Variants in PARP8 observed in about 807,000 individuals in gnomAD.
The protein encoded by PARP8 is protein mono-ADP-ribosyltransferase PARP8.
A neutral mutation model predicts 124.1 loss-of-function variants in PARP8; 51 were observed. The observed-to-expected ratio is 0.41, with a 90% CI of 0.33 to 0.52. PARP8 has a LOEUF of 0.52. PARP8 is among the 20% of genes least tolerant of loss of function. The pLI, the probability that PARP8 is intolerant of heterozygous loss-of-function variation, is 0.21. For missense variants in PARP8, 860 were observed against 1,018.9 expected, an observed-to-expected ratio of 0.84 and a Z score of 2.12; for synonymous variants, 391 against 361.5, an observed-to-expected ratio of 1.08 and a Z score of -0.93.
chr5:50,712,528 A>G (rs924648285), intron 2 of PARP8, among the ~76,000 whole-genome samples: 1 of 152,170 alleles, frequency 6.6e-6, no homozygotes, highest in African/African-American at 2.4e-5. Context: ...GATTCTTGGC[A>G]AAACAGTTGA....
At chr5:50,739,923 G>A (rs1580160270) in intron 2 of PARP8, among the ~76,000 whole-genome samples, 2 of 151,294 alleles carry the variant, frequency 1.3e-5, no homozygotes, top group Middle Eastern at 3.4e-3. Flanking sequence ...TAATATTTTG[G>A]TATTTTTAGT....
At chr5:50,728,223 C>T (rs1756624208) in intron 2 of PARP8, among the ~76,000 whole-genome samples, 1 of 152,038 alleles carries the variant, frequency 6.6e-6, no homozygotes, top group Admixed American at 6.6e-5. Context: ...TCCCTGTTCC[C>T]TTTATTAATT....
intron 21 of PARP8, among the ~76,000 whole-genome samples, chr5:50,828,747 A>T (rs1239387608): frequency 6.6e-6 from 1 of 150,768 alleles, no homozygotes; most frequent in African/African-American, 2.4e-5. Flanking sequence ...ATATATATAT[A>T]TTTATCCAGG....
At chr5:50,715,484 CAG>C (rs1436573125) in intron 2 of PARP8, among the ~76,000 whole-genome samples, 1 of 150,832 alleles carries the variant, frequency 6.6e-6, no homozygotes, top group Non-Finnish European at 1.5e-5. Context: ...TGGTGTGTGT[CAG>C]AGTGTCATGG....
intron 2 of PARP8, among the ~76,000 whole-genome samples, chr5:50,749,413 C>A: frequency 6.6e-6 from 1 of 151,880 alleles, no homozygotes; most frequent in South Asian, 2.1e-4. Flanking sequence ...AGACGTAGAT[C>A]TTAACCTCAT....
chr5:50,823,951 C>A (rs1279128276), intron 17 of PARP8, among the ~76,000 whole-genome samples: 1 of 152,196 alleles, frequency 6.6e-6, no homozygotes, highest in Admixed American at 6.5e-5. Flanking sequence ...TCGGTGTGTA[C>A]TTCATAGGGA....
chr5:50,674,725 G>A lies in PARP8; in HGVS notation c.146+6600G>A, dbSNP rs568746148. ...CCCCCCGCCCACTCATCAACAGTTT[G>A]TATTAATTTAGTGTAAAGCTGTGTA... On this transcript the variant is annotated intron_variant, in intron 2 of 25. Transcript: ENST00000281631. Among the ~76,000 whole-genome samples the A allele has an allele frequency of 3.9e-5, 6 of 152,270 alleles. No homozygotes were observed. In the South Asian group the frequency reaches 1.2e-3, roughly 32 times the overall value.
In PARP8 at chr5:50,828,352, G is replaced by C; in HGVS notation, c.2131G>C (p.Gly711Arg). The C allele has an allele frequency of 6.2e-7, 1 of 1,613,640 alleles. No individual in the cohort carries two copies. Among genetic ancestry groups the C allele is most frequent in the Non-Finnish European group, 8.5e-7 (1 of 1,179,738 alleles). The part of the protein sequence containing the change: ...IENWHSILRN[G>R]LVVASNTRLQ... ...AAACTGGCACTCCATCCTGAGGAATGGTCTGGTTGTTGCTTCTAATACACG... is the reference window on the plus strand; with the variant it reads ...AAACTGGCACTCCATCCTGAGGAATCGTCTGGTTGTTGCTTCTAATACACG... Residue 711 changes from glycine to arginine, a missense_variant, in exon 21 of 26, where the codon GGT becomes CGT. Around this residue, in one of 2 missense-constraint regions of PARP8, gnomAD observed 343 missense variants for 474.7 expected, o/e 0.72. Transcript: ENST00000281631.
At chr5:50,764,213 G>A (rs755791149) in intron 7 of PARP8, among the ~76,000 whole-genome samples, 14 of 152,140 alleles carry the variant, frequency 9.2e-5, no homozygotes, top group Non-Finnish European at 2.1e-4. Context: ...GTCTCCCCCT[G>A]TAGACTGAAT....
chr5:50,724,826 G>A (rs569049959), intron 2 of PARP8, among the ~76,000 whole-genome samples: 41 of 151,872 alleles, frequency 2.7e-4, no homozygotes, highest in African/African-American at 9.4e-4. Context: ...TGTACCTACT[G>A]TGTAGTTTTT....
chr5:50,793,785 C>T, intron 10 of PARP8, among the ~76,000 whole-genome samples: 1 of 151,978 alleles, frequency 6.6e-6, no homozygotes, highest in East Asian at 1.9e-4. Context: ...TAATAAATAG[C>T]ATTATAATTA....
chr5:50,839,666 T>TTCTCTCTCTCTCTC, intron 25 of PARP8, among the ~76,000 whole-genome samples: 1 of 147,488 alleles, frequency 6.8e-6, no homozygotes, highest in African/African-American at 2.5e-5. Context: ...CTCTCTTTCT[T>TTCTCTCTCTCTCTC]TCTCTCTCTC....
intron 2 of PARP8, among the ~76,000 whole-genome samples, chr5:50,699,652 A>G (rs550855131): frequency 1.3e-5 from 2 of 152,286 alleles, no homozygotes; most frequent in African/African-American, 4.8e-5. Context: ...ATATTGAAAC[A>G]CAAGTGTGCT....
chr5:50,739,508 G>A (rs1015600176), intron 2 of PARP8, among the ~76,000 whole-genome samples: 1 of 151,742 alleles, frequency 6.6e-6, no homozygotes, highest in Non-Finnish European at 1.5e-5. Context: ...AACACTAGGG[G>A]AGTAGATATT....
chr5:50,824,485 T>C (rs1423287250), intron 17 of PARP8, among the ~76,000 whole-genome samples: 3 of 152,154 alleles, frequency 2.0e-5, no homozygotes, highest in Non-Finnish European at 4.4e-5. Context: ...AGAGGAGTTA[T>C]GTAAAAATGG....
At chr5:50,678,774 CAG>C (rs1209894135) in intron 2 of PARP8, among the ~76,000 whole-genome samples, 2 of 152,132 alleles carry the variant, frequency 1.3e-5, no homozygotes, top group Admixed American at 6.5e-5. Context: ...TGGAAATGTA[CAG>C]AGTCTGAGCA....
chr5:50,688,461 C>T (rs1752116274), intron 2 of PARP8, among the ~76,000 whole-genome samples: 2 of 152,110 alleles, frequency 1.3e-5, no homozygotes, highest in African/African-American at 4.8e-5. Flanking sequence ...GGGAAATATA[C>T]CAGAATATGT....
At chr5:50,828,240 T>C in intron 20 of PARP8, 72 bp from the exon 21 acceptor site, 1 of 1,451,674 alleles carries the variant, frequency 6.9e-7, no homozygotes, top group Non-Finnish European at 9.6e-7. Context: ...CACCATGACT[T>C]ATTATGTTTT....
At chr5:50,760,222 A>G in intron 4 of PARP8, 70 bp from the exon 5 acceptor site, 1 of 1,298,740 alleles carries the variant, frequency 7.7e-7, no homozygotes, top group South Asian at 1.7e-5. Context: ...TTTTATACCA[A>G]AACTTATGAA....
Sources: allele counts gnomAD v4.1 joint callset (sites outside exome capture counted in the v4.1 genomes callset), GRCh38; gene constraint gnomAD v4.1.1; regional missense constraint gnomAD v4.1.1; transcripts MANE v1.5; gene names NCBI Gene and HGNC (gene_info 2026-07-23, HGNC 2026-07-21).